Variants in NWD2 observed in about 807,000 individuals in gnomAD.
NWD2 encodes NACHT and WD repeat domain-containing protein 2.
A neutral mutation model predicts 132.7 loss-of-function variants in NWD2; 37 were observed. The ratio of observed to expected loss-of-function variants is 0.28; its 90% CI spans 0.21 to 0.37. NWD2 has a LOEUF of 0.37. NWD2 is among the 10% of genes least tolerant of loss of function. NWD2 has a pLI of 1.00. For missense variants in NWD2, 1,592 were observed against 2,122.4 expected (o/e 0.75, Z 4.91); for synonymous variants, 705 against 803.0 (o/e 0.88, Z 2.06).
At chr4:37,340,890 A>T (rs1719505775) in intron 2 of NWD2, among the ~76,000 whole-genome samples, 1 of 152,172 alleles carries the variant, frequency 6.6e-6, no homozygotes, top group South Asian at 2.1e-4. Context: ...AGAAATACGG[A>T]AGTAAATTGC....
intron 1 of NWD2, among the ~76,000 whole-genome samples, chr4:37,289,606 TA>T (rs1377613713): frequency 6.6e-6 from 1 of 152,248 alleles, no homozygotes; most frequent in Non-Finnish European, 1.5e-5. Context: ...TGCATATCAT[TA>T]AATACACTTC....
chr4:37,276,262 AAAC>A (rs1718010511), intron 1 of NWD2, among the ~76,000 whole-genome samples: 1 of 152,124 alleles, frequency 6.6e-6, no homozygotes, highest in South Asian at 2.1e-4. Context: ...AGAAAAAAAC[AAAC>A]AACCCCATCA....
intron 3 of NWD2, among the ~76,000 whole-genome samples, chr4:37,382,781 A>C (rs528409851): frequency 6.6e-6 from 1 of 151,736 alleles, no homozygotes; most frequent in African/African-American, 2.4e-5. Flanking sequence ...GCCTCCACTC[A>C]CCAGGTTCAA....
At chr4:37,279,196 T>C (rs1021142203) in intron 1 of NWD2, among the ~76,000 whole-genome samples, 2 of 152,190 alleles carry the variant, frequency 1.3e-5, no homozygotes, top group Non-Finnish European at 2.9e-5. Context: ...TTTCAATTGT[T>C]TGCTTTTATT....
chr4:37,278,871 A>AAGG (rs763527691), intron 1 of NWD2, among the ~76,000 whole-genome samples: 6 of 152,266 alleles, frequency 3.9e-5, no homozygotes, highest in Admixed American at 2.0e-4. Flanking sequence ...CTTAAAAGAG[A>AAGG]AGGGTACACA....
chr4:37,264,264 C>T (rs1560380032), intron 1 of NWD2, among the ~76,000 whole-genome samples: 3 of 152,270 alleles, frequency 2.0e-5, no homozygotes, highest in South Asian at 4.1e-4. Flanking sequence ...GGTTAAATAG[C>T]TGGAATAAAA....
chr4:37,404,384 T>C (rs1376109437), intron 3 of NWD2, among the ~76,000 whole-genome samples: 4 of 152,206 alleles, frequency 2.6e-5, no homozygotes, highest in African/African-American at 9.6e-5. Context: ...ATACCCCATC[T>C]AGAAGGTCCT....
chr4:37,430,284 T>G (rs1252546437), intron 3 of NWD2, among the ~76,000 whole-genome samples: 2 of 152,250 alleles, frequency 1.3e-5, no homozygotes, highest in Non-Finnish European at 2.9e-5. Context: ...GATCAGCTTT[T>G]GTTGTATTAT....
At chr4:37,300,672 C>A (rs1008163896) in intron 1 of NWD2, among the ~76,000 whole-genome samples, 2 of 152,106 alleles carry the variant, frequency 1.3e-5, no homozygotes, top group Non-Finnish European at 1.5e-5. Context: ...ATATAAGTTT[C>A]TTCAATAGCA....
chr4:37,330,750 C>T (rs1016396230), intron 2 of NWD2, among the ~76,000 whole-genome samples: 19 of 152,188 alleles, frequency 1.2e-4, no homozygotes, highest in African/African-American at 4.1e-4. Flanking sequence ...GTGTGTTCAG[C>T]AGAACTGCCT....
chr4:37,368,499 C>T (rs537843099), intron 3 of NWD2, among the ~76,000 whole-genome samples: 1 of 152,122 alleles, frequency 6.6e-6, no homozygotes, highest in Admixed American at 6.6e-5. Context: ...CTCTTAAGCA[C>T]CCACTTAAAC....
At chr4:37,337,684 A>G (rs1042924383) in intron 2 of NWD2, among the ~76,000 whole-genome samples, 1 of 152,108 alleles carries the variant, frequency 6.6e-6, no homozygotes, top group Non-Finnish European at 1.5e-5. Context: ...CTTCTTCCCT[A>G]AACCCCCAAT....
intron 3 of NWD2, among the ~76,000 whole-genome samples, chr4:37,363,198 T>C (rs565059094): frequency 4.7e-4 from 72 of 152,222 alleles, no homozygotes; most frequent in African/African-American, 1.7e-3. Flanking sequence ...AGATTATACA[T>C]TGTCGGTGGA....
chr4:37,396,228 T>C (rs1173283721), intron 3 of NWD2, among the ~76,000 whole-genome samples: 1 of 152,274 alleles, frequency 6.6e-6, no homozygotes, highest in Middle Eastern at 3.4e-3. Context: ...AATGATATTA[T>C]CCGATTGTCT....
At chr4:37,295,888 C>T (rs753749791) in intron 1 of NWD2, among the ~76,000 whole-genome samples, 4 of 152,196 alleles carry the variant, frequency 2.6e-5, no homozygotes, top group South Asian at 2.1e-4. Context: ...AGTCAATCCC[C>T]ATTATTCACA....
chr4:37,408,140 T>A (rs909587479), intron 3 of NWD2, among the ~76,000 whole-genome samples: 4 of 152,146 alleles, frequency 2.6e-5, no homozygotes, highest in African/African-American at 9.7e-5. Context: ...GTTCTTTTTT[T>A]CCATACCCCA....
chr4:37,269,946 T>A (rs1419822303), intron 1 of NWD2, among the ~76,000 whole-genome samples: 1 of 151,816 alleles, frequency 6.6e-6, no homozygotes, highest in Non-Finnish European at 1.5e-5. Context: ...GTTGTACCAT[T>A]TTGCCCTCCC....
intron 3 of NWD2, among the ~76,000 whole-genome samples, chr4:37,359,205 T>C (rs898924625): frequency 3.9e-5 from 6 of 152,170 alleles, no homozygotes; most frequent in African/African-American, 1.4e-4. Flanking sequence ...GAGCAAAGGT[T>C]AGCTGACAGA....
At chr4:37,388,082 G>C (rs1720601237) in intron 3 of NWD2, among the ~76,000 whole-genome samples, 1 of 152,150 alleles carries the variant, frequency 6.6e-6, no homozygotes, top group Non-Finnish European at 1.5e-5. Flanking sequence ...AGCAATAATA[G>C]TATCTGATTG....
Sources: allele counts gnomAD v4.1 joint callset (sites outside exome capture counted in the v4.1 genomes callset), GRCh38; gene constraint gnomAD v4.1.1; transcripts MANE v1.5; gene names NCBI Gene and HGNC (gene_info 2026-07-23, HGNC 2026-07-21).